ANO10: variants seen among roughly 807,000 people sequenced by gnomAD.
ANO10 encodes the protein anoctamin-10.
ANO10 carries 77 observed loss-of-function variants against 74.7 expected under a neutral mutation model. That is an observed-to-expected ratio of 1.03 (90% CI 0.86 to 1.25). The LOEUF (loss-of-function observed/expected upper bound fraction) is 1.25. ANO10 is among the 50% of genes most tolerant of loss of function. The pLI is 0.00. For missense variants in ANO10, 721 were observed against 778.1 expected (o/e 0.93, Z 0.87); for synonymous variants, 279 against 284.9 (o/e 0.98, Z 0.21).
At chr3:43,599,549 T>G (rs1174755860) in intron 3 of ANO10, among the ~76,000 whole-genome samples, 1 of 152,196 alleles carries the variant, frequency 6.6e-6, no homozygotes, top group Non-Finnish European at 1.5e-5. Flanking sequence ...AATCTCTACT[T>G]ATGAGATGCA....
chr3:43,499,103 A>G (rs998862295), intron 11 of ANO10, among the ~76,000 whole-genome samples: 1 of 152,146 alleles, frequency 6.6e-6, no homozygotes, highest in African/African-American at 2.4e-5. Context: ...AAACCACTAG[A>G]GAGAGGGGCA....
At chr3:43,496,558 C>T (rs949581623) in intron 11 of ANO10, among the ~76,000 whole-genome samples, 3 of 152,002 alleles carry the variant, frequency 2.0e-5, no homozygotes, top group Non-Finnish European at 2.9e-5. Flanking sequence ...CTCAGCCTCC[C>T]GACTACTTGG....
intron 1 of ANO10, among the ~76,000 whole-genome samples, chr3:43,636,040 A>C (rs574472245): frequency 4.9e-4 from 75 of 152,284 alleles, no homozygotes; most frequent in East Asian, 1.5e-3. Context: ...AACAAAAAAA[A>C]CCCAAAAAAC....
At chr3:43,690,375 T>A (rs1000583607) in intron 1 of ANO10, 2 of 152,456 alleles carry the variant, frequency 1.3e-5, no homozygotes, top group Admixed American at 1.3e-4. Flanking sequence ...CTTTTCACCC[T>A]CCCAGGTATC....
chr3:43,466,965 A>G (rs2075652874), intron 11 of ANO10, among the ~76,000 whole-genome samples: 2 of 152,224 alleles, frequency 1.3e-5, no homozygotes, highest in Admixed American at 6.5e-5. Flanking sequence ...ATGTTCACAA[A>G]TAGTATGCTA....
intron 4 of ANO10, among the ~76,000 whole-genome samples, chr3:43,586,046 C>T (rs2081467205): frequency 6.6e-6 from 1 of 152,164 alleles, no homozygotes; most frequent in Non-Finnish European, 1.5e-5. Context: ...AAACTAAGAG[C>T]ACCCATGCTT....
chr3:43,642,406 T>C (rs916310172), intron 1 of ANO10, among the ~76,000 whole-genome samples: 8 of 152,188 alleles, frequency 5.3e-5, no homozygotes, highest in Non-Finnish European at 1.0e-4. Flanking sequence ...TTTCCTTCTA[T>C]TCATTTATCC....
At chr3:43,404,564 G>A (rs2092540971) in intron 12 of ANO10, among the ~76,000 whole-genome samples, 1 of 152,102 alleles carries the variant, frequency 6.6e-6, no homozygotes, top group South Asian at 2.1e-4. Context: ...CATATTTGTG[G>A]TAATTTGTTA....
At chr3:43,570,664 A>G (rs1317260000) in intron 7 of ANO10, among the ~76,000 whole-genome samples, 2 of 148,676 alleles carry the variant, frequency 1.3e-5, no homozygotes, top group African/African-American at 4.9e-5. Context: ...CCTTCCTTAC[A>G]CCTTATACAA....
intron 1 of ANO10, 43 bp from the exon 2 acceptor site, chr3:43,605,906 T>C (rs1263002911): frequency 6.9e-6 from 11 of 1,600,334 alleles, no homozygotes; most frequent in Admixed American, 3.3e-5. Flanking sequence ...GTTGTTATTA[T>C]GGCAAAGAGA....
chr3:43,636,185 A>C (rs949077907), intron 1 of ANO10: 2 of 152,338 alleles, frequency 1.3e-5, no homozygotes, highest in Non-Finnish European at 2.9e-5. Flanking sequence ...GAAGGCAGCC[A>C]GTGAAGGGTA....
At chr3:43,566,597 G>T (rs1488226671) in intron 7 of ANO10, among the ~76,000 whole-genome samples, 1 of 152,152 alleles carries the variant, frequency 6.6e-6, no homozygotes, top group South Asian at 2.1e-4. Context: ...ACACGGCAGG[G>T]TATTCCAACA....
chr3:43,597,861 T>C (rs943626594), intron 4 of ANO10, among the ~76,000 whole-genome samples: 2 of 152,046 alleles, frequency 1.3e-5, no homozygotes, highest in African/African-American at 4.8e-5. Flanking sequence ...GAGGCCACAG[T>C]GAGCCATGTT....
chr3:43,493,541 C>G (rs1175459698), intron 11 of ANO10, among the ~76,000 whole-genome samples: 2 of 151,892 alleles, frequency 1.3e-5, no homozygotes, highest in African/African-American at 4.8e-5. Flanking sequence ...CAGGCTACCA[C>G]ATTTCCACAA....
At chr3:43,596,000 C>A (rs1446784618) in intron 4 of ANO10, among the ~76,000 whole-genome samples, 1 of 152,122 alleles carries the variant, frequency 6.6e-6, no homozygotes, top group Non-Finnish European at 1.5e-5. Context: ...CATGAGTGAA[C>A]TCCCATTCAC....
chr3:43,592,402 C>G lies in ANO10; in HGVS notation c.472+6130G>C, dbSNP rs775754159. Among the ~76,000 whole-genome samples the G allele has an allele frequency of 3.9e-5, 6 of 152,128 alleles. No homozygotes were observed. In the East Asian group the frequency reaches 5.8e-4, roughly 15 times the overall value. On this transcript the variant is annotated intron_variant, in intron 4 of 12. Coordinates refer to ENST00000292246, the MANE Select transcript of ANO10 (RefSeq NM_018075.5). ...TGGGTGCCCCTCTGAGACAAAGCTT[C>G]CAGAGGAACGATCAGGCTGCAACAT...
intron 11 of ANO10, among the ~76,000 whole-genome samples, chr3:43,534,615 A>G (rs980759704): frequency 1.3e-5 from 2 of 152,186 alleles, no homozygotes; most frequent in Non-Finnish European, 1.5e-5. Context: ...ACACCAATAC[A>G]CAGAGCCAAA....
At chr3:43,571,565 C>G (rs993694844) in intron 7 of ANO10, among the ~76,000 whole-genome samples, 2 of 151,932 alleles carry the variant, frequency 1.3e-5, no homozygotes, top group African/African-American at 4.8e-5. Context: ...AATCATCATT[C>G]TCAGTAAACT....
chr3:43,507,623 A>C (rs954533592), intron 11 of ANO10, among the ~76,000 whole-genome samples: 17 of 152,080 alleles, frequency 1.1e-4, no homozygotes, highest in African/African-American at 3.9e-4. Context: ...GGACTGCAGG[A>C]GAGTCACTGG....
Sources: allele counts gnomAD v4.1 joint callset (sites outside exome capture counted in the v4.1 genomes callset), GRCh38; gene constraint gnomAD v4.1.1; transcripts MANE v1.5; gene names NCBI Gene and HGNC (gene_info 2026-07-23, HGNC 2026-07-21).